The following XKR4 variants were observed in gnomAD, a reference collection of about 807,000 sequenced individuals.
XKR4 encodes XK-related protein 4.
In XKR4, 12 loss-of-function variants were observed where a neutral mutation model predicts 53.9. That is an observed-to-expected ratio of 0.22 (90% CI 0.14 to 0.36). The LOEUF (loss-of-function observed/expected upper bound fraction) is 0.36. Ranked by LOEUF, XKR4 falls within the 10% of genes least tolerant of loss-of-function variation. The probability of loss-of-function intolerance (pLI) is 1.00; values close to 1 mark genes in which losing one functional copy is unlikely to be tolerated. For missense variants in XKR4, 799 were observed against 859.5 expected, an observed-to-expected ratio of 0.93 and a Z score of 0.88; for synonymous variants, 354 against 362.4, an observed-to-expected ratio of 0.98 and a Z score of 0.26.
chr8:55,409,684 T>G (rs1301307655), intron 2 of XKR4, among the ~76,000 whole-genome samples: 2 of 152,146 alleles, frequency 1.3e-5, no homozygotes, highest in African/African-American at 4.8e-5. Flanking sequence ...TTAGGCATGC[T>G]AAAGTTTAAA....
chr8:55,466,418 AG>A (rs767187923), intron 2 of XKR4, among the ~76,000 whole-genome samples: 9 of 151,990 alleles, frequency 5.9e-5, no homozygotes, highest in Non-Finnish European at 1.3e-4. Flanking sequence ...TCTCACTCAT[AG>A]GTGGGAATTG....
intron 2 of XKR4, among the ~76,000 whole-genome samples, chr8:55,446,595 C>T (rs1241467587): frequency 1.3e-5 from 2 of 152,112 alleles, no homozygotes; most frequent in African/African-American, 2.4e-5. Context: ...GAGATCTGCC[C>T]ACCTCGGCCT....
chr8:55,223,549 C>G (rs966462536), intron 1 of XKR4, among the ~76,000 whole-genome samples: 1 of 152,170 alleles, frequency 6.6e-6, no homozygotes, highest in East Asian at 1.9e-4. Context: ...TTTCATTCTG[C>G]ATTTCTAGAA....
At chr8:55,335,473 T>G (rs928762379) in intron 1 of XKR4, among the ~76,000 whole-genome samples, 2 of 152,058 alleles carry the variant, frequency 1.3e-5, no homozygotes, top group African/African-American at 4.8e-5. Context: ...TAATAAAAAA[T>G]GCATGCCAAT....
chr8:55,453,067 G>C, intron 2 of XKR4: 1 of 593,408 alleles, frequency 1.7e-6, no homozygotes, highest in South Asian at 1.4e-5. Context: ...CTGGGCTGGG[G>C]CCTGATCCTC....
At chr8:55,286,186 G>A (rs913729282) in intron 1 of XKR4, among the ~76,000 whole-genome samples, 1 of 152,204 alleles carries the variant, frequency 6.6e-6, no homozygotes, top group Non-Finnish European at 1.5e-5. Context: ...TGTGAAATGA[G>A]TGGCTCTGAA....
At chr8:55,136,562 CTG>C (rs1327940317) in intron 1 of XKR4, among the ~76,000 whole-genome samples, 1 of 152,120 alleles carries the variant, frequency 6.6e-6, no homozygotes, top group African/African-American at 2.4e-5. Flanking sequence ...CCTTTAATGA[CTG>C]TGTTATCAGA....
At chr8:55,430,226 T>C (rs577981431) in intron 2 of XKR4, among the ~76,000 whole-genome samples, 46 of 152,338 alleles carry the variant, frequency 3.0e-4, no homozygotes, top group Non-Finnish European at 5.9e-4. Flanking sequence ...ATAGCCACTC[T>C]GGAAAATAGT....
chr8:55,123,702 C>T (rs149514366), intron 1 of XKR4, among the ~76,000 whole-genome samples: 1 of 152,330 alleles, frequency 6.6e-6, no homozygotes, highest in African/African-American at 2.4e-5. Context: ...GCCTCGGACA[C>T]GTGCCTCTAT....
In XKR4 at chr8:55,102,777, T is replaced by TGCCTGC; in HGVS notation, c.295_300dup (p.Arg99_Leu100dup). 6.4e-7 allele frequency: 1 copy of TGCCTGC among 1,566,420 alleles called. No homozygotes were observed. The highest frequency in any genetic ancestry group is 2.4e-5 in the East Asian group (1 of 41,440). On this transcript the variant is annotated inframe_insertion, in exon 1 of 3. Coordinates refer to ENST00000327381, the MANE Select transcript of XKR4 (RefSeq NM_052898.2). The surrounding 1 kb of genome is among the most constrained non-coding windows in gnomAD (Gnocchi z 5.1). ...CGGCGGGGCGGGCTCGGCTGCGCTG[T>TGCCTGC]GCCTGCGCCTGGGCAGGGAGCAGCG...
chr8:55,316,939 C>T (rs757955770), intron 1 of XKR4, among the ~76,000 whole-genome samples: 5 of 152,020 alleles, frequency 3.3e-5, no homozygotes, highest in African/African-American at 9.7e-5. Flanking sequence ...AGAAGTATAT[C>T]GGATGTTAAA....
intron 1 of XKR4, among the ~76,000 whole-genome samples, chr8:55,192,213 AATACAATTCTT>A (rs1222759687): frequency 2.8e-5 from 4 of 140,956 alleles, no homozygotes; most frequent in African/African-American, 1.0e-4. Flanking sequence ...TAAGGGACTT[AATACAATTCTT>A]ACAAAGTCCC....
intron 1 of XKR4, among the ~76,000 whole-genome samples, chr8:55,265,262 T>A (rs1400528516): frequency 6.6e-6 from 1 of 152,160 alleles, no homozygotes; most frequent in African/African-American, 2.4e-5. Context: ...GGTCAGGAAA[T>A]AAAGACTAGG....
intron 1 of XKR4, among the ~76,000 whole-genome samples, chr8:55,284,046 C>G (rs1201320170): frequency 6.6e-6 from 1 of 152,198 alleles, no homozygotes; most frequent in African/African-American, 2.4e-5. Flanking sequence ...AACATGCCTT[C>G]TCTTCTCCTC....
chr8:55,422,400 A>G (rs1804948156), intron 2 of XKR4, among the ~76,000 whole-genome samples: 1 of 152,236 alleles, frequency 6.6e-6, no homozygotes, highest in Non-Finnish European at 1.5e-5. Flanking sequence ...TAAAGGAAGG[A>G]GAGAATGCAA....
intron 1 of XKR4, among the ~76,000 whole-genome samples, chr8:55,240,594 C>T (rs1416570313): frequency 6.6e-6 from 1 of 151,928 alleles, no homozygotes; most frequent in Non-Finnish European, 1.5e-5. Flanking sequence ...CTACAGAGGA[C>T]AATACGGAAA....
intron 2 of XKR4, among the ~76,000 whole-genome samples, chr8:55,494,267 G>A (rs1207396710): frequency 1.3e-5 from 2 of 152,256 alleles, no homozygotes; most frequent in Non-Finnish European, 2.9e-5. Flanking sequence ...ACATAGTGGT[G>A]CCCACAAGCT....
chr8:55,466,096 A>T (rs1160667029), intron 2 of XKR4, among the ~76,000 whole-genome samples: 1 of 152,122 alleles, frequency 6.6e-6, no homozygotes, highest in Non-Finnish European at 1.5e-5. Flanking sequence ...TCAGGGATCT[A>T]GAACTAGAAA....
At chr8:55,107,196 G>T (rs952542332) in intron 1 of XKR4, among the ~76,000 whole-genome samples, 6 of 151,992 alleles carry the variant, frequency 3.9e-5, no homozygotes, top group African/African-American at 1.2e-4. Flanking sequence ...TAACCTAAAA[G>T]AAAATTATTA....
Sources: gnomAD v4.1 joint callset for allele counts (sites outside exome capture counted in the v4.1 genomes callset) on GRCh38, gnomAD v4.1.1 for gene constraint, Gnocchi (gnomAD v3.1) non-coding constraint, MANE v1.5 for transcripts, NCBI Gene and HGNC (gene_info 2026-07-23, HGNC 2026-07-21) for gene names.